Variants in RNLS observed in about 807,000 individuals in gnomAD.
RNLS encodes the protein renalase, FAD dependent amine oxidase.
Under a neutral mutation model 39.8 loss-of-function variants are expected in RNLS, and 39 were observed. The observed-to-expected ratio is 0.98, with a 90% CI of 0.76 to 1.28. The LOEUF (loss-of-function observed/expected upper bound fraction) is 1.28, where lower values mean the gene tolerates loss of function less well. Among genes scored for constraint, RNLS ranks in the 50% most tolerant of loss-of-function variants. The pLI is 0.00. For synonymous variants in RNLS, 147 were observed against 150.7 expected (o/e 0.98, Z 0.18); for missense variants, 410 against 413.3 (o/e 0.99, Z 0.07).
At chr10:88,576,793 A>G (rs1290013680) in intron 3 of RNLS, among the ~76,000 whole-genome samples, 1 of 152,242 alleles carries the variant, frequency 6.6e-6, no homozygotes, top group Admixed American at 6.5e-5. Context: ...AGCTAATGGC[A>G]TCTGCCACCT....
chr10:88,217,855 C>T, the RNLS span, among the ~76,000 whole-genome samples: 1 of 151,436 alleles, frequency 6.6e-6, no homozygotes, highest in Non-Finnish European at 1.5e-5. Flanking sequence ...GCCTGGCCAA[C>T]ATGGTGAAAA....
At chr10:88,362,501 T>C (rs559901986) in intron 5 of RNLS, 51 bp downstream of exon 5, 2 of 1,532,012 alleles carry the variant, frequency 1.3e-6, no homozygotes, top group East Asian at 4.5e-5. Flanking sequence ...TTTTTCATGA[T>C]CTACACCCAC....
intron 4 of RNLS, among the ~76,000 whole-genome samples, chr10:88,398,622 C>T (rs757338720): frequency 7.9e-5 from 12 of 151,946 alleles, no homozygotes; most frequent in South Asian, 4.1e-4. Context: ...CTACTTTACA[C>T]GGTCTACAAA....
chr10:88,487,629 T>C (rs1375155061), intron 4 of RNLS, among the ~76,000 whole-genome samples: 2 of 152,150 alleles, frequency 1.3e-5, no homozygotes, highest in African/African-American at 4.8e-5. Flanking sequence ...ATACTGCCAG[T>C]AGGAAAATGT....
intron 4 of RNLS, among the ~76,000 whole-genome samples, chr10:88,409,322 G>A (rs1207075986): frequency 6.6e-6 from 1 of 152,078 alleles, no homozygotes; most frequent in South Asian, 2.1e-4. Context: ...ATCTAAAAGC[G>A]TTAAACATGC....
At chr10:88,528,852 C>T (rs1446687212) in intron 4 of RNLS, among the ~76,000 whole-genome samples, 14 of 91,228 alleles carry the variant, frequency 1.5e-4, no homozygotes, top group Non-Finnish European at 2.8e-4. Context: ...GACTCCGTCT[C>T]AAAAAAAAAA....
At chr10:88,288,212 T>G (rs922102640) in intron 6 of RNLS, among the ~76,000 whole-genome samples, 1 of 152,124 alleles carries the variant, frequency 6.6e-6, no homozygotes, top group Admixed American at 6.6e-5. Context: ...ATAGCAACCC[T>G]ATGAGGTGGT....
intron 4 of RNLS, among the ~76,000 whole-genome samples, chr10:88,466,607 A>G (rs1179965373): frequency 3.3e-5 from 5 of 152,176 alleles, no homozygotes; most frequent in African/African-American, 9.7e-5. Flanking sequence ...AACAGGCTCA[A>G]TATCTTCAAA....
At chr10:88,174,995 A>G in the RNLS span, among the ~76,000 whole-genome samples, 6 of 152,116 alleles carry the variant, frequency 3.9e-5, no homozygotes, top group East Asian at 1.9e-4. Flanking sequence ...GTTAGCTTAT[A>G]TGTGACCAGA....
intron 4 of RNLS, among the ~76,000 whole-genome samples, chr10:88,476,342 C>T (rs1159481172): frequency 6.6e-6 from 1 of 152,100 alleles, no homozygotes; most frequent in East Asian, 1.9e-4. Flanking sequence ...TAGCAAATTA[C>T]TACAGAAGTT....
chr10:88,290,408 A>C (rs757353160), intron 6 of RNLS, among the ~76,000 whole-genome samples: 14 of 152,222 alleles, frequency 9.2e-5, no homozygotes, highest in Non-Finnish European at 1.8e-4. Context: ...ATATGAAACT[A>C]ATGTGATCAG....
chr10:88,351,718 T>C (rs776796171), intron 5 of RNLS, among the ~76,000 whole-genome samples: 3 of 152,194 alleles, frequency 2.0e-5, no homozygotes, highest in Non-Finnish European at 4.4e-5. Context: ...AACTTTAAAG[T>C]AGTTTTTTCC....
At chr10:88,320,637 G>A in intron 5 of RNLS, among the ~76,000 whole-genome samples, 1 of 149,502 alleles carries the variant, frequency 6.7e-6, no homozygotes, top group South Asian at 2.2e-4. Flanking sequence ...AAAAGAGTAA[G>A]GGTTGCTATT....
At chr10:88,504,788 C>T (rs1368696245) in intron 4 of RNLS, among the ~76,000 whole-genome samples, 1 of 151,060 alleles carries the variant, frequency 6.6e-6, no homozygotes, top group Non-Finnish European at 1.5e-5. Flanking sequence ...AGTATTATTG[C>T]TGTAATTCTG....
intron 4 of RNLS, among the ~76,000 whole-genome samples, chr10:88,559,534 C>T (rs1039708964): frequency 6.6e-6 from 1 of 152,158 alleles, no homozygotes; most frequent in South Asian, 2.1e-4. Context: ...CAAATCAGTC[C>T]ATTTTCAGCC....
chr10:88,361,016 C>A (rs1004150858), intron 5 of RNLS, among the ~76,000 whole-genome samples: 1 of 152,206 alleles, frequency 6.6e-6, no homozygotes, highest in Non-Finnish European at 1.5e-5. Context: ...GTTCTGGAGG[C>A]TGAGAAGTCC....
chr10:88,249,410 A>T, the RNLS span, among the ~76,000 whole-genome samples: 1 of 152,190 alleles, frequency 6.6e-6, no homozygotes, highest in Non-Finnish European at 1.5e-5. Flanking sequence ...AATTCTGATT[A>T]CTATTGCTGT....
chr10:88,188,254 ACCATGTTTG>A, the RNLS span, among the ~76,000 whole-genome samples: 2 of 152,154 alleles, frequency 1.3e-5, no homozygotes, highest in Non-Finnish European at 1.5e-5. Context: ...ATGGGGTTTC[ACCATGTTTG>A]CCAGGCTAGC....
At chr10:88,338,970 C>T (rs1482029434) in intron 5 of RNLS, among the ~76,000 whole-genome samples, 1 of 152,062 alleles carries the variant, frequency 6.6e-6, no homozygotes, top group Non-Finnish European at 1.5e-5. Context: ...ACCGTGTTAG[C>T]CAGGATGGTC....
Sources: allele counts gnomAD v4.1 joint callset (sites outside exome capture counted in the v4.1 genomes callset), GRCh38; gene constraint gnomAD v4.1.1; transcripts MANE v1.5; gene names NCBI Gene and HGNC (gene_info 2026-07-23, HGNC 2026-07-21).